The following PKD1L3 variants were observed in gnomAD, a reference collection of about 807,000 sequenced individuals.
PKD1L3 encodes the protein polycystin-1-like protein 3.
In PKD1L3, 239 loss-of-function variants were observed where a neutral mutation model predicts 184.1. That is an observed-to-expected ratio of 1.30 (90% CI 1.17 to 1.45). The LOEUF (loss-of-function observed/expected upper bound fraction) is 1.45, where lower values mean the gene tolerates loss of function less well. Among genes scored for constraint, PKD1L3 ranks in the 40% most tolerant of loss-of-function variants. The pLI is 0.00. For missense variants in PKD1L3, 2,660 were observed against 2,067.2 expected, an observed-to-expected ratio of 1.29 and a Z score of -5.56; for synonymous variants, 996 against 778.8, an observed-to-expected ratio of 1.28 and a Z score of -4.64.
At chr16:71,952,061 G>A (rs2038854964) in intron 18 of PKD1L3, among the ~76,000 whole-genome samples, 1 of 152,102 alleles carries the variant, frequency 6.6e-6, no homozygotes, top group Non-Finnish European at 1.5e-5. Flanking sequence ...AAGAGTAAAA[G>A]CTAAGCATGT....
At chr16:71,981,246 G>A (rs1274617083) in intron 7 of PKD1L3, among the ~76,000 whole-genome samples, 1 of 152,190 alleles carries the variant, frequency 6.6e-6, no homozygotes, top group Non-Finnish European at 1.5e-5. Flanking sequence ...TAGACACTAG[G>A]AGTAGAATTG....
intron 18 of PKD1L3, among the ~76,000 whole-genome samples, chr16:71,952,597 G>GGCCAAGGTGGGAGGATGGCGGGAC (rs1271251198): frequency 6.6e-6 from 1 of 151,940 alleles, no homozygotes; most frequent in African/African-American, 2.4e-5. Flanking sequence ...CACTTTGGGA[G>GGCCAAGGTGGGAGGATGGCGGGAC]GCCAAGGTGG....
chr16:71,967,187 G>A lies in PKD1L3; in HGVS notation c.2415C>T (p.Asn805=), dbSNP rs1424014009. 5 of 1,551,732 alleles carry A rather than the reference G, an allele frequency of 3.2e-6. No homozygotes were observed. In the Admixed American group the frequency reaches 5.9e-5, roughly 18 times the overall value. ...CATGCCAGAGCCGAAGGCTGTGCAG[G>A]TTCCCTAGAGAGGTCCAAGTGGTGA... is the stretch of plus-strand genomic sequence containing the variant. ...FLLTTWTSLG[N]LHSLRLWHDN... is the part of the protein sequence containing the mutation. The change falls in exon 15 of 30, where the codon AAC becomes AAT. Residue 805 remains asparagine, a synonymous_variant. Coordinates refer to ENST00000620267, the MANE Select transcript of PKD1L3 (RefSeq NM_181536.2).
At chr16:71,978,628 C>T (rs1407999034) in intron 9 of PKD1L3, among the ~76,000 whole-genome samples, 1 of 151,338 alleles carries the variant, frequency 6.6e-6, no homozygotes, top group Non-Finnish European at 1.5e-5. Flanking sequence ...CAATCTCCAC[C>T]TCCCAGGTTC....
At position 71,979,992 on chromosome 16, in the gene PKD1L3, C is replaced by T; in HGVS notation, c.1271+15G>A. ...AAACACAGTGAAACTCTCCCCGTTCCTTCTTCCCATTAACCTGCTCAGCAG... is the reference window on the plus strand; with the variant it reads ...AAACACAGTGAAACTCTCCCCGTTCTTTCTTCCCATTAACCTGCTCAGCAG... On this transcript the variant is annotated intron_variant, in intron 8 of 29. Transcript: ENST00000620267. 1 of 1,551,378 alleles carries T rather than the reference C, an allele frequency of 6.4e-7. No homozygotes were observed. The highest frequency in any genetic ancestry group is 1.2e-5 in the South Asian group (1 of 83,756).
chr16:71,948,960 T>C (rs1265240756), intron 21 of PKD1L3, among the ~76,000 whole-genome samples: 3 of 152,094 alleles, frequency 2.0e-5, no homozygotes, highest in Admixed American at 6.6e-5. Context: ...TTATATTTAT[T>C]TTCCATATCT....
At chr16:71,972,157 A>C (rs1007158837) in intron 12 of PKD1L3, among the ~76,000 whole-genome samples, 1 of 151,972 alleles carries the variant, frequency 6.6e-6, no homozygotes, top group African/African-American at 2.4e-5. Context: ...CAGAGTTTGC[A>C]GTGAGCCAAG....
At chr16:71,968,886 T>C (rs1227966633) in intron 13 of PKD1L3, among the ~76,000 whole-genome samples, 2 of 138,784 alleles carry the variant, frequency 1.4e-5, no homozygotes, top group Non-Finnish European at 3.2e-5. Context: ...GTGAGCCACT[T>C]CACCCAGCCA....
At position 71,976,264 on chromosome 16, in the gene PKD1L3, C is replaced by CTTTTTTTTTTTTTTTTTTT. The variant is rs71153688; in HGVS notation, c.1759+971_1759+972insAAAAAAAAAAAAAAAAAAA. On this transcript the variant is annotated intron_variant, in intron 11 of 29. Coordinates refer to ENST00000620267, the MANE Select transcript of PKD1L3 (RefSeq NM_181536.2). ...ATGAGCCACTGAGTGCCCAGCCTGT[C>CTTTTTTTTTTTTTTTTTTT]TTTTTTTTTTTTTTTTAAGACAGTC... 8.3e-4 allele frequency among the ~76,000 whole-genome samples: 68 copies of CTTTTTTTTTTTTTTTTTTT among 81,768 alleles called. 13 individuals carry two copies. The highest frequency in any genetic ancestry group is 1.5e-3 in the East Asian group (4 of 2,670). 53.6% of individuals were successfully genotyped at this position (81,768 alleles called of 152,430 possible).
chr16:71,932,693 G>A (rs1305538800), intron 28 of PKD1L3, among the ~76,000 whole-genome samples: 1 of 151,322 alleles, frequency 6.6e-6, no homozygotes, highest in Non-Finnish European at 1.5e-5. Context: ...TGGCCAGGCT[G>A]GTCTTGAACT....
intron 24 of PKD1L3, among the ~76,000 whole-genome samples, chr16:71,941,110 T>TCC (rs2038344512): frequency 6.6e-6 from 1 of 152,064 alleles, no homozygotes; most frequent in Non-Finnish European, 1.5e-5. Flanking sequence ...AGTGCTGGGA[T>TCC]TATAGGCTTG....
chr16:71,990,152 A>G, intron 4 of PKD1L3, 128 bp downstream of exon 4: 1 of 702,254 alleles, frequency 1.4e-6, no homozygotes, highest in Non-Finnish European at 2.1e-6. Context: ...CTTGCACGTA[A>G]GTACTTTATT....
chr16:71,958,336 G>A (rs1248426580), intron 16 of PKD1L3, among the ~76,000 whole-genome samples: 2 of 141,120 alleles, frequency 1.4e-5, no homozygotes, highest in Admixed American at 1.5e-4. Flanking sequence ...GCAGTGAGCC[G>A]AGATCCCGCC....
In PKD1L3 at chr16:71,950,766, G is replaced by T. The variant is rs1258098154; in HGVS notation, c.3191-456C>A. The stretch of plus-strand genomic sequence containing the variant: ...TTTTTTTTTTTGAGATGGAGTCTTG[G>T]TCTGTCGTCCAGGCTGAGTGTAGTG... On this transcript the variant is annotated intron_variant, in intron 19 of 29. Transcript: ENST00000620267. Among the ~76,000 whole-genome samples, 3 of 141,072 alleles carry T rather than the reference G, an allele frequency of 2.1e-5. No homozygotes were observed. In the East Asian group the frequency reaches 6.4e-4, roughly 30 times the overall value. 92.5% of individuals were successfully genotyped at this position (141,072 alleles called of 152,430 possible). A position where few individuals can be genotyped will look rare whatever the true frequency, so the allele number is the denominator to read the frequency against.
At chr16:71,942,451 T>C in intron 24 of PKD1L3, 109 bp downstream of exon 24, 1 of 937,276 alleles carries the variant, frequency 1.1e-6, no homozygotes, top group Non-Finnish European at 1.6e-6. Flanking sequence ...TTACCTCTCT[T>C]GTACTCTTCC....
At position 71,942,838 on chromosome 16, in the gene PKD1L3, C is replaced by A; in HGVS notation, c.4046G>T (p.Gly1349Val). 6.4e-7 allele frequency: 1 copy of A among 1,551,572 alleles called. No homozygotes were observed. Among genetic ancestry groups the A allele is most frequent in the Non-Finnish European group, 8.7e-7 (1 of 1,146,950 alleles). ...LLPSLYGDYR[G>V]KNAVLEPSHC... is the part of the protein sequence containing the mutation. ...ACTGGGCTCCAGGACTGCATTCTTA[C>A]CTCTGTAATCCCCATACAGGCTAGG... Residue 1349 changes from glycine to valine, a missense_variant, in exon 24 of 30, where the codon GGT becomes GTT. Gly to Val is a moderately radical substitution (Grantham distance 109, BLOSUM62 -3). Coordinates refer to ENST00000620267, the MANE Select transcript of PKD1L3 (RefSeq NM_181536.2).
chr16:71,950,255 CCTCTGCAGAA>C lies in PKD1L3; in HGVS notation c.3236_3245del (p.Val1079GlyfsTer2). 1 of 1,551,790 alleles carries C rather than the reference CCTCTGCAGAA, an allele frequency of 6.4e-7. No homozygotes were observed. The highest frequency in any genetic ancestry group is 1.4e-5 in the African/African-American group (1 of 73,102). ...CCAGCGTGCCTAAGTGAGATTTCAG[CCTCTGCAGAA>C]CTCTATGCAGGTAACAGCAGAAATG... On this transcript the variant is annotated frameshift_variant, in exon 20 of 30. Coordinates refer to ENST00000620267, the MANE Select transcript of PKD1L3 (RefSeq NM_181536.2). LOFTEE classifies it high-confidence loss of function.
chr16:71,988,885 T>C (rs761686592), intron 4 of PKD1L3, among the ~76,000 whole-genome samples: 53 of 152,348 alleles, frequency 3.5e-4, no homozygotes, highest in Non-Finnish European at 6.2e-4. Flanking sequence ...GCTTAAAAGA[T>C]AAGCGTTATC....
intron 2 of PKD1L3, among the ~76,000 whole-genome samples, chr16:71,997,655 G>A (rs1299267994): frequency 6.6e-6 from 1 of 152,158 alleles, no homozygotes; most frequent in Non-Finnish European, 1.5e-5. Flanking sequence ...GGCTGAGGCA[G>A]GAGAATCACT....
Sources: gnomAD v4.1 joint callset for allele counts (sites outside exome capture counted in the v4.1 genomes callset) on GRCh38, gnomAD v4.1.1 for gene constraint, MANE v1.5 for transcripts, NCBI Gene and HGNC (gene_info 2026-07-23, HGNC 2026-07-21) for gene names.